AHCYL2: variants seen among roughly 807,000 people sequenced by gnomAD.
AHCYL2 encodes the protein adenosylhomocysteinase like 2, also known as S-adenosylhomocysteine hydrolase-like protein 2.
In AHCYL2, 28 loss-of-function variants were observed where a neutral mutation model predicts 81.4. That is an observed-to-expected ratio of 0.34 (90% confidence interval 0.25 to 0.47). The LOEUF (loss-of-function observed/expected upper bound fraction) is 0.47. Ranked by LOEUF, AHCYL2 falls within the 20% of genes least tolerant of loss-of-function variation. The probability of loss-of-function intolerance (pLI) is 1.00; values close to 1 mark genes in which losing one functional copy is unlikely to be tolerated. For missense variants in AHCYL2, 551 were observed against 785.1 expected (o/e 0.70, Z 3.56); for synonymous variants, 272 against 290.2 (o/e 0.94, Z 0.64).
intron 1 of AHCYL2, among the ~76,000 whole-genome samples, chr7:129,248,031 GA>G (rs1445396336): frequency 1.3e-5 from 2 of 152,146 alleles, no homozygotes. Flanking sequence ...GGCTTGGGGT[GA>G]AAAAAGTCCC....
At chr7:129,396,480 G>A (rs1795748179) in intron 4 of AHCYL2, among the ~76,000 whole-genome samples, 1 of 151,906 alleles carries the variant, frequency 6.6e-6, no homozygotes, top group African/African-American at 2.4e-5. Context: ...GGAGTGCAAT[G>A]GTGCAATCTC....
chr7:129,250,348 C>T (rs540514213), intron 1 of AHCYL2, among the ~76,000 whole-genome samples: 83 of 152,260 alleles, frequency 5.5e-4, no homozygotes, highest in African/African-American at 1.9e-3. Context: ...TGGATATATA[C>T]CTAAGAGTGG....
At chr7:129,313,774 A>G (rs535433656) in intron 1 of AHCYL2, among the ~76,000 whole-genome samples, 1 of 152,368 alleles carries the variant, frequency 6.6e-6, no homozygotes, top group East Asian at 1.9e-4. Context: ...AAGATACCAT[A>G]GTTGATTGGT....
At chr7:129,260,453 GTC>G (rs1396511287) in intron 1 of AHCYL2, among the ~76,000 whole-genome samples, 1 of 152,134 alleles carries the variant, frequency 6.6e-6, no homozygotes, top group African/African-American at 2.4e-5. Context: ...ACCCCAGATA[GTC>G]TCTTCTCCAT....
chr7:129,377,687 C>T (rs1199511734), intron 1 of AHCYL2: 1 of 446,816 alleles, frequency 2.2e-6, no homozygotes, highest in East Asian at 7.0e-5. Flanking sequence ...ACCTTGGATC[C>T]AGAATAGGCA....
chr7:129,411,729 A>G (rs1796588330), intron 11 of AHCYL2, among the ~76,000 whole-genome samples: 1 of 151,050 alleles, frequency 6.6e-6, no homozygotes, highest in Admixed American at 6.6e-5. Flanking sequence ...ATTGCACTCC[A>G]GCCTGGGCAA....
intron 1 of AHCYL2, among the ~76,000 whole-genome samples, chr7:129,232,969 T>G (rs1206261034): frequency 6.6e-6 from 1 of 152,174 alleles, no homozygotes; most frequent in African/African-American, 2.4e-5. Flanking sequence ...GAACTTGGAG[T>G]GATGTACGGG....
At chr7:129,242,636 G>A (rs1794904494) in intron 1 of AHCYL2, among the ~76,000 whole-genome samples, 1 of 151,504 alleles carries the variant, frequency 6.6e-6, no homozygotes. Context: ...AGAATCATGT[G>A]AACCCAGGAG....
intron 6 of AHCYL2, among the ~76,000 whole-genome samples, chr7:129,401,275 A>C (rs2150929801): frequency 6.6e-6 from 1 of 151,970 alleles, no homozygotes; most frequent in African/African-American, 2.4e-5. Context: ...GGTTGCAGTG[A>C]GCCGAGATCA....
intron 1 of AHCYL2, among the ~76,000 whole-genome samples, chr7:129,230,208 G>A (rs1794377841): frequency 6.8e-6 from 1 of 147,732 alleles, no homozygotes; most frequent in Non-Finnish European, 1.5e-5. Context: ...TTGCCCTCCT[G>A]AGTAGCTGGG....
At chr7:129,318,486 A>G (rs1797901060) in intron 1 of AHCYL2, among the ~76,000 whole-genome samples, 1 of 152,220 alleles carries the variant, frequency 6.6e-6, no homozygotes, top group Admixed American at 6.5e-5. Flanking sequence ...GACCCAAAAC[A>G]TATGTAATAT....
intron 1 of AHCYL2, among the ~76,000 whole-genome samples, chr7:129,329,491 T>C (rs1045966236): frequency 2.0e-5 from 3 of 152,222 alleles, no homozygotes; most frequent in African/African-American, 7.2e-5. Context: ...GCCTGGTCTA[T>C]TAATGTCTGT....
At chr7:129,410,318 T>G in intron 11 of AHCYL2, 1 of 1,614,196 alleles carries the variant, frequency 6.2e-7, no homozygotes, top group Non-Finnish European at 8.5e-7. Flanking sequence ...GTTCTCAAAC[T>G]CTTCAATGTC....
At chr7:129,339,622 A>G (rs1793090828) in intron 1 of AHCYL2, among the ~76,000 whole-genome samples, 1 of 151,724 alleles carries the variant, frequency 6.6e-6, no homozygotes, top group Admixed American at 6.6e-5. Context: ...GCCTCAAACT[A>G]CTGGGCTCAA....
chr7:129,324,884 A>G (rs1440205776), intron 1 of AHCYL2, among the ~76,000 whole-genome samples: 1 of 152,194 alleles, frequency 6.6e-6, no homozygotes, highest in African/African-American at 2.4e-5. Context: ...AATGGTGTAC[A>G]TCTTTAACTT....
intron 7 of AHCYL2, among the ~76,000 whole-genome samples, chr7:129,403,916 CATCTCAGCTTGCTATGAGGTGACCAG>C (rs1384426304): frequency 1.2e-4 from 17 of 137,548 alleles, no homozygotes; most frequent in African/African-American, 3.9e-4. Context: ...GAGGTAACCA[CATCTCAGCTTGCTATGAGGTGACCAG>C]ATCTCAGCTT....
intron 13 of AHCYL2, 148 bp from the exon 14 acceptor site, chr7:129,424,722 CAGTT>C (rs1229621558): frequency 4.3e-6 from 3 of 691,462 alleles, no homozygotes; most frequent in Admixed American, 2.6e-5. Flanking sequence ...AAATGTCAGT[CAGTT>C]AGTTCTTATA....
chr7:129,362,467 A>T (rs563195152), intron 1 of AHCYL2, among the ~76,000 whole-genome samples: 2 of 152,214 alleles, frequency 1.3e-5, no homozygotes, highest in East Asian at 3.9e-4. Flanking sequence ...AGTAAAGGAG[A>T]TTTAAGGTCC....
At chr7:129,412,416 G>A (rs1004111154) in intron 11 of AHCYL2, among the ~76,000 whole-genome samples, 4 of 151,684 alleles carry the variant, frequency 2.6e-5, no homozygotes, top group African/African-American at 9.7e-5. Context: ...AAGTAGCTGG[G>A]ACTACAGGCG....
Sources: gnomAD v4.1 joint callset for allele counts (sites outside exome capture counted in the v4.1 genomes callset) on GRCh38, gnomAD v4.1.1 for gene constraint, MANE v1.5 for transcripts, NCBI Gene and HGNC (gene_info 2026-07-23, HGNC 2026-07-21) for gene names.